Variants in EXOC4 observed in about 807,000 individuals in gnomAD.
EXOC4 encodes the protein exocyst complex component 4.
EXOC4 carries 71 observed loss-of-function variants against 107.2 expected under a neutral mutation model. The ratio of observed to expected loss-of-function variants is 0.66; its 90% CI spans 0.55 to 0.81. The LOEUF (loss-of-function observed/expected upper bound fraction) is 0.81. Among genes scored for constraint, EXOC4 ranks in the 30% least tolerant of loss-of-function variants. EXOC4 has a pLI of 0.00. For synonymous variants in EXOC4, 456 were observed against 441.2 expected, an observed-to-expected ratio of 1.03 and a Z score of -0.42; for missense variants, 1,108 against 1,189.6, an observed-to-expected ratio of 0.93 and a Z score of 1.01.
chr7:133,667,887 C>T (rs1793854692), intron 10 of EXOC4, among the ~76,000 whole-genome samples: 1 of 152,132 alleles, frequency 6.6e-6, no homozygotes, highest in Non-Finnish European at 1.5e-5. Context: ...ATCAAATAGA[C>T]AAAAAATAGA....
chr7:133,856,154 C>G (rs1215459404), intron 11 of EXOC4, among the ~76,000 whole-genome samples: 1 of 152,236 alleles, frequency 6.6e-6, no homozygotes, highest in Non-Finnish European at 1.5e-5. Context: ...CTGCTTCTCA[C>G]TAGCTATGTG....
intron 1 of EXOC4, among the ~76,000 whole-genome samples, chr7:133,255,949 C>T (rs927494997): frequency 1.3e-5 from 2 of 151,582 alleles, no homozygotes; most frequent in Non-Finnish European, 2.9e-5. Flanking sequence ...CTTTGTGTTT[C>T]CCTTCTTGCA....
chr7:133,494,305 A>G (rs531494938), intron 9 of EXOC4, among the ~76,000 whole-genome samples: 2 of 152,318 alleles, frequency 1.3e-5, no homozygotes, highest in African/African-American at 4.8e-5. Flanking sequence ...TCAAGTTGAC[A>G]TATAAAGGTA....
At chr7:133,424,316 C>T (rs992730443) in intron 7 of EXOC4, among the ~76,000 whole-genome samples, 9 of 152,108 alleles carry the variant, frequency 5.9e-5, no homozygotes, top group Middle Eastern at 3.2e-3. Context: ...CTGAGGCCAG[C>T]GAGACCACGA....
At chr7:134,042,012 G>A (rs542167746) in intron 17 of EXOC4, among the ~76,000 whole-genome samples, 10 of 152,228 alleles carry the variant, frequency 6.6e-5, no homozygotes, top group Non-Finnish European at 1.2e-4. Context: ...CCCTGATTGC[G>A]ATCATATAAT....
rs1797639584 is a variant in EXOC4, at chr7:133,423,007, A to T, written c.1182+48005A>T. 1.0e-4 allele frequency among the ~76,000 whole-genome samples: 4 copies of T among 39,502 alleles called. 2 individuals carry two copies. In the South Asian group the frequency reaches 5.4e-3, roughly 53 times the overall value. The allele number at this position is 39,502 out of a possible 152,430, so 25.9% of individuals were successfully genotyped here. A position where few individuals can be genotyped will look rare whatever the true frequency, so the allele number is the denominator to read the frequency against. ...GCCGAGGCGGGTGGATCATGAGGTC[A>T]GGAGATCGAGACCATCCTGGCTAAC... On this transcript the variant is annotated intron_variant, in intron 7 of 17. Coordinates refer to ENST00000253861, the MANE Select transcript of EXOC4 (RefSeq NM_021807.4).
At chr7:133,480,979 G>A (rs1445346638) in intron 9 of EXOC4, 5 of 151,424 alleles carry the variant, frequency 3.3e-5, no homozygotes, top group African/African-American at 9.7e-5. Flanking sequence ...GAGCCTGAGA[G>A]GCAGAGGTTG....
intron 9 of EXOC4, among the ~76,000 whole-genome samples, chr7:133,533,866 T>G (rs2150924089): frequency 6.6e-6 from 1 of 152,292 alleles, no homozygotes; most frequent in South Asian, 2.1e-4. Flanking sequence ...CCCGATGTGT[T>G]AATCTAATGA....
At chr7:133,391,604 T>G (rs560510811) in intron 7 of EXOC4, among the ~76,000 whole-genome samples, 1 of 152,162 alleles carries the variant, frequency 6.6e-6, no homozygotes, top group Non-Finnish European at 1.5e-5. Context: ...TGTTTAGGAA[T>G]GAGCATGGAA....
chr7:133,816,002 C>T (rs973811506), intron 10 of EXOC4, among the ~76,000 whole-genome samples: 2 of 152,220 alleles, frequency 1.3e-5, no homozygotes, highest in African/African-American at 4.8e-5. Flanking sequence ...ACCACAGCTG[C>T]TTGCTTTGCT....
At chr7:133,256,100 A>G (rs1349417272) in intron 1 of EXOC4, among the ~76,000 whole-genome samples, 1 of 150,754 alleles carries the variant, frequency 6.6e-6, no homozygotes, top group Non-Finnish European at 1.5e-5. Context: ...TCCTGCCTCA[A>G]CCTCCCGAGT....
chr7:133,535,126 G>T (rs1036623442), intron 9 of EXOC4, among the ~76,000 whole-genome samples: 2 of 152,276 alleles, frequency 1.3e-5, no homozygotes, highest in South Asian at 2.1e-4. Context: ...ATGCTTATCT[G>T]TTGAGAGCCC....
At chr7:133,787,135 TTTTTTTCTTG>T (rs1157457935) in intron 10 of EXOC4, among the ~76,000 whole-genome samples, 16 of 151,436 alleles carry the variant, frequency 1.1e-4, no homozygotes, top group African/African-American at 2.2e-4. Context: ...TAAGGTACTT[TTTTTTTCTTG>T]TTTTTTCTTT....
chr7:133,836,595 C>T lies in EXOC4; in HGVS notation c.1734+19051C>T, dbSNP rs574748319. Among the ~76,000 whole-genome samples the T allele has an allele frequency of 2.0e-5, 3 of 152,304 alleles. No individual in the cohort carries two copies. The South Asian group carries it at 6.2e-4, about 32-fold the overall frequency. On this transcript the variant is annotated intron_variant, in intron 11 of 17. Transcript: ENST00000253861. ...TTTGCCTTTCCTTTTGCTCCTCTCT[C>T]TAAAGGCAGAACACGTTTCACTCCA... is the stretch of plus-strand genomic sequence containing the variant.
intron 10 of EXOC4, among the ~76,000 whole-genome samples, chr7:133,660,720 A>C (rs1182092674): frequency 1.3e-5 from 2 of 152,120 alleles, no homozygotes; most frequent in Non-Finnish European, 2.9e-5. Flanking sequence ...TGTTAGGGAG[A>C]CCCAATGGTA....
At chr7:133,867,880 T>C (rs1044737098) in intron 11 of EXOC4, among the ~76,000 whole-genome samples, 1 of 152,228 alleles carries the variant, frequency 6.6e-6, no homozygotes, top group African/African-American at 2.4e-5. Context: ...CACTGCACTG[T>C]GTGTTATCTT....
chr7:133,880,010 C>T lies in EXOC4; in HGVS notation c.1735-15589C>T, dbSNP rs372574741. On this transcript the variant is annotated intron_variant, in intron 11 of 17. Transcript: ENST00000253861. Reference sequence around the variant, plus strand: ...TCCAGCCACACTTGTCTCCTAACTGCTACACATGACCAGCTCATCCTTCAT... The same window carrying T: ...TCCAGCCACACTTGTCTCCTAACTGTTACACATGACCAGCTCATCCTTCAT... 3.5e-4 allele frequency among the ~76,000 whole-genome samples: 54 copies of T among 152,274 alleles called. 1 individual carries two copies. The South Asian group carries it at 0.011, about 32-fold the overall frequency.
At position 133,995,465 on chromosome 7, in the gene EXOC4, A is replaced by G. The variant is rs192544871; in HGVS notation, c.2207-2027A>G. Among the ~76,000 whole-genome samples, 40 of 152,326 alleles carry G rather than the reference A, an allele frequency of 2.6e-4. No individual in the cohort carries two copies. In the East Asian group the frequency reaches 7.3e-3, roughly 28 times the overall value. On this transcript the variant is annotated intron_variant, in intron 14 of 17. Transcript: ENST00000253861. Reference sequence around the variant, plus strand: ...AAGCCCTAAAATGTTTTGAAATATCATAGTTGTATAGTTGCTTTCCCTCTA... The same window carrying G: ...AAGCCCTAAAATGTTTTGAAATATCGTAGTTGTATAGTTGCTTTCCCTCTA...
chr7:133,845,730 G>T (rs1443050918), intron 11 of EXOC4, among the ~76,000 whole-genome samples: 1 of 152,066 alleles, frequency 6.6e-6, no homozygotes, highest in Non-Finnish European at 1.5e-5. Context: ...ACTTCATGTT[G>T]CATGCAGTGA....
Sources: allele counts gnomAD v4.1 joint callset (sites outside exome capture counted in the v4.1 genomes callset), GRCh38; gene constraint gnomAD v4.1.1; transcripts MANE v1.5; gene names NCBI Gene and HGNC (gene_info 2026-07-23, HGNC 2026-07-21).